The following DIAPH2 variants were observed in gnomAD, a reference collection of about 807,000 sequenced individuals.
DIAPH2 encodes diaphanous related formin 2.
A neutral mutation model predicts 92.7 loss-of-function variants in DIAPH2; 35 were observed. The ratio of observed to expected loss-of-function variants is 0.38; its 90% CI spans 0.29 to 0.50. The LOEUF is 0.50. Among genes scored for constraint, DIAPH2 ranks in the 20% least tolerant of loss-of-function variants. The pLI, the probability that DIAPH2 is intolerant of heterozygous loss-of-function variation, is 0.94. For missense variants in DIAPH2, 701 were observed against 819.5 expected, an observed-to-expected ratio of 0.86 and a Z score of 1.77; for synonymous variants, 301 against 280.4, an observed-to-expected ratio of 1.07 and a Z score of -0.73.
intron 3 of DIAPH2, among the ~76,000 whole-genome samples, chrX:96,746,614 T>C (rs981070007): frequency 9.0e-6 from 1 of 110,817 alleles, no homozygotes; most frequent in Admixed American, 9.6e-5. Context: ...AGTGCAGTGG[T>C]GTGATCATGG....
chrX:97,557,449 G>T (rs1007032400), intron 26 of DIAPH2, among the ~76,000 whole-genome samples: 1 of 111,624 alleles, frequency 9.0e-6, no homozygotes, highest in Non-Finnish European at 1.9e-5. Flanking sequence ...TGAGGCAGGA[G>T]AATCACTTGA....
At chrX:97,278,197 G>A (rs962647250) in intron 23 of DIAPH2, among the ~76,000 whole-genome samples, 2 of 112,102 alleles carry the variant, frequency 1.8e-5, no homozygotes, top group East Asian at 5.6e-4. Flanking sequence ...AATTTTTAGA[G>A]AAGTTTTACA....
chrX:96,962,396 TATATATAC>T (rs2065863379), intron 16 of DIAPH2, among the ~76,000 whole-genome samples: 2 of 62,090 alleles, frequency 3.2e-5, no homozygotes, highest in African/African-American at 6.6e-5. Context: ...TATATACACA[TATATATAC>T]ACATATATAT....
intron 24 of DIAPH2, among the ~76,000 whole-genome samples, chrX:97,370,049 G>C (rs929197894): frequency 9.0e-6 from 1 of 111,649 alleles, no homozygotes; most frequent in Admixed American, 9.6e-5. Context: ...AGCCATGAGT[G>C]AAAGAGGCTT....
intron 18 of DIAPH2, 63 bp from the exon 19 acceptor site, chrX:97,075,104 G>T: frequency 4.2e-6 from 3 of 712,368 alleles, no homozygotes; most frequent in Non-Finnish European, 6.3e-6. Context: ...AAAATCAGAC[G>T]TTTATTAGGA....
intron 9 of DIAPH2, among the ~76,000 whole-genome samples, chrX:96,919,945 C>T (rs192798731): frequency 4.6e-5 from 5 of 109,192 alleles, no homozygotes; most frequent in Admixed American, 4.0e-4. Context: ...GTGCGATGGA[C>T]GTGATCTCAG....
intron 4 of DIAPH2, among the ~76,000 whole-genome samples, chrX:96,784,500 A>G (rs1470782048): frequency 5.4e-5 from 6 of 111,949 alleles, no homozygotes; most frequent in African/African-American, 1.9e-4. Context: ...CCATGTAAAA[A>G]CAGTAGTGTA....
At chrX:97,362,728 GA>G (rs2069337685) in intron 24 of DIAPH2, among the ~76,000 whole-genome samples, 1 of 112,269 alleles carries the variant, frequency 8.9e-6, no homozygotes, top group Admixed American at 9.4e-5. Context: ...GCCAAATGTG[GA>G]AAATGAGAAA....
intron 24 of DIAPH2, 58 bp downstream of exon 24, chrX:97,348,338 C>T: frequency 2.0e-6 from 2 of 994,164 alleles, no homozygotes; most frequent in Non-Finnish European, 2.7e-6. Flanking sequence ...TGAATGTTTT[C>T]CTTCTATTGT....
intron 22 of DIAPH2, among the ~76,000 whole-genome samples, chrX:97,209,252 A>G (rs1335552390): frequency 9.0e-6 from 1 of 111,214 alleles, no homozygotes. Flanking sequence ...GTATCAATGT[A>G]TACAATCATC....
At chrX:97,211,673 C>A (rs1309901973) in intron 22 of DIAPH2, among the ~76,000 whole-genome samples, 1 of 111,495 alleles carries the variant, frequency 9.0e-6, no homozygotes, top group Admixed American at 9.6e-5. Context: ...TGAGTTCCAC[C>A]CCTGTGTATG....
In DIAPH2 at chrX:97,118,855, CT is replaced by C. The variant is rs199818879; in HGVS notation, c.2589+3894del. On this transcript the variant is annotated intron_variant, in intron 21 of 26. Coordinates refer to ENST00000324765, the MANE Select transcript of DIAPH2 (RefSeq NM_006729.5). ...CTTGGAACCTACGTTTTAACTTACA[CT>C]TTTGTCAATTACTAGCCAAATTTTC... Among the ~76,000 whole-genome samples the C allele has an allele frequency of 3.4e-3, 385 of 112,354 alleles. 1 individual carries two copies. Among genetic ancestry groups the C allele is most frequent in the African/African-American group, 0.012 (374 of 30,963 alleles).
At chrX:96,749,297 A>T (rs1331682701) in intron 3 of DIAPH2, among the ~76,000 whole-genome samples, 1 of 110,134 alleles carries the variant, frequency 9.1e-6, no homozygotes, top group East Asian at 2.8e-4. Context: ...AAAATGATTT[A>T]AAATTAGTTT....
At chrX:97,192,991 CTTTCTTTTTCTTTTTCT>C (rs1380561287) in intron 22 of DIAPH2, among the ~76,000 whole-genome samples, 2 of 101,452 alleles carry the variant, frequency 2.0e-5, no homozygotes, top group Non-Finnish European at 3.9e-5. Flanking sequence ...TACATTATTT[CTTTCTTTTTCTTTTTCT>C]TTTCTTTTTT....
At chrX:96,862,201 C>T (rs746792202) in intron 4 of DIAPH2, among the ~76,000 whole-genome samples, 9 of 111,659 alleles carry the variant, frequency 8.1e-5, no homozygotes, top group African/African-American at 2.3e-4. Context: ...ATAGTAGATG[C>T]GTGCTAAGTA....
At chrX:97,159,450 G>A (rs1035504741) in intron 22 of DIAPH2, among the ~76,000 whole-genome samples, 6 of 111,946 alleles carry the variant, frequency 5.4e-5, no homozygotes, top group African/African-American at 1.6e-4. Flanking sequence ...ATTAGTCCTT[G>A]TAGCCAAGAA....
At chrX:97,111,691 G>T (rs1361674723) in intron 20 of DIAPH2, among the ~76,000 whole-genome samples, 1 of 110,976 alleles carries the variant, frequency 9.0e-6, no homozygotes, top group Non-Finnish European at 1.9e-5. Context: ...CTTCCTGATG[G>T]TCTCCCTGCC....
intron 23 of DIAPH2, among the ~76,000 whole-genome samples, chrX:97,309,394 C>A (rs909290741): frequency 1.8e-5 from 2 of 111,468 alleles, no homozygotes; most frequent in African/African-American, 6.5e-5. Flanking sequence ...AGCCACCGCG[C>A]CCGGCCAATT....
At chrX:97,499,575 A>G (rs1407007834) in intron 26 of DIAPH2, among the ~76,000 whole-genome samples, 2 of 111,748 alleles carry the variant, frequency 1.8e-5, no homozygotes, top group African/African-American at 6.5e-5. Flanking sequence ...CCTACCATTC[A>G]GCCCTGCAGT....
Sources: gnomAD v4.1 joint callset for allele counts (sites outside exome capture counted in the v4.1 genomes callset) on GRCh38, gnomAD v4.1.1 for gene constraint, MANE v1.5 for transcripts, NCBI Gene and HGNC (gene_info 2026-07-23, HGNC 2026-07-21) for gene names.